Variants in PCDHGA1 observed in about 807,000 individuals in gnomAD.
PCDHGA1 encodes protocadherin gamma subfamily A, 1, also known as protocadherin gamma-A1.
Under a neutral mutation model 58.0 loss-of-function variants are expected in PCDHGA1, and 32 were observed. That is an observed-to-expected ratio of 0.55 (90% CI 0.42 to 0.74). PCDHGA1 has a LOEUF of 0.74. Among genes scored for constraint, PCDHGA1 ranks in the 30% least tolerant of loss-of-function variants. PCDHGA1 has a pLI of 0.00. For synonymous variants in PCDHGA1, 498 were observed against 501.1 expected, an observed-to-expected ratio of 0.99 and a Z score of 0.08; for missense variants, 1,205 against 1,182.3, an observed-to-expected ratio of 1.02 and a Z score of -0.28.
intron 1 of PCDHGA1, chr5:141,385,365 G>C: frequency 6.5e-7 from 1 of 1,539,374 alleles, no homozygotes; most frequent in Non-Finnish European, 8.7e-7. Flanking sequence ...GAATTTATTT[G>C]CATGATATTT....
At chr5:141,344,169 G>T (rs1757378436) in intron 1 of PCDHGA1, 9 of 1,614,048 alleles carry the variant, frequency 5.6e-6, no homozygotes, top group Non-Finnish European at 7.6e-6. Context: ...TTCCTTCGTG[G>T]GCAACATCGC....
intron 1 of PCDHGA1, chr5:141,408,732 A>AT: frequency 2.5e-6 from 4 of 1,610,016 alleles, no homozygotes; most frequent in Non-Finnish European, 3.4e-6. Context: ...TCTAATCCTT[A>AT]TTTTTCATTA....
intron 1 of PCDHGA1, chr5:141,403,339 C>T (rs2094393588): frequency 1.2e-6 from 2 of 1,613,892 alleles, no homozygotes; most frequent in Admixed American, 1.7e-5. Context: ...TTAACGACAG[C>T]GCCCCAAAGT....
rs145569377 is a variant in PCDHGA1 at position 141,455,860 on chromosome 5, ATTATTTATTTATTTAT to A, written c.2422-38908_2422-38893del. Among the ~76,000 whole-genome samples, 551 of 139,848 alleles carry A rather than the reference ATTATTTATTTATTTAT, an allele frequency of 3.9e-3. 2 individuals carry two copies. The highest frequency in any genetic ancestry group is 9.7e-3 in the South Asian group (42 of 4,344). The allele number at this position is 139,848 out of a possible 152,430, so 91.7% of individuals were successfully genotyped here. ...CTATCTGCATAAAATAATTTCTTTTATTATTTATTTATTTATTTATTTATTTATTTATTTATTTATT... is the reference window on the plus strand; with the variant it reads ...CTATCTGCATAAAATAATTTCTTTTATTATTTATTTATTTATTTATTTATT... On this transcript the variant is annotated intron_variant, in intron 1 of 3. Transcript: ENST00000517417.
In PCDHGA1 at chr5:141,409,398, A is replaced by G. The variant is rs186373896; in HGVS notation, c.2421+76293A>G. On this transcript the variant is annotated intron_variant, in intron 1 of 3. Transcript: ENST00000517417. Reference sequence around the variant, plus strand: ...CCATTCAAGATTTATTCTTCTTCCAATAACTACTACAAACTGGTGACAGAT... The same window carrying G: ...CCATTCAAGATTTATTCTTCTTCCAGTAACTACTACAAACTGGTGACAGAT... 9.6e-5 allele frequency: 155 copies of G among 1,614,050 alleles called. No individual in the cohort carries two copies. In the African/African-American group the frequency reaches 1.5e-3, roughly 16 times the overall value.
intron 1 of PCDHGA1, chr5:141,400,300 C>T: frequency 6.2e-7 from 1 of 1,614,084 alleles, no homozygotes; most frequent in Non-Finnish European, 8.5e-7. Context: ...CTGCTTCCAA[C>T]CTGGTCTCTG....
At chr5:141,392,965 A>C in intron 1 of PCDHGA1, 1 of 1,613,890 alleles carries the variant, frequency 6.2e-7, no homozygotes, top group East Asian at 2.2e-5. Context: ...ATCTCCAAGG[A>C]CCTGGGGCTG....
rs962794399 is a variant in PCDHGA1, at chr5:141,449,958, AT to A, written c.2422-44841del. Among the ~76,000 whole-genome samples, 332 of 148,828 alleles carry A rather than the reference AT, an allele frequency of 2.2e-3. 1 individual carries two copies. The highest frequency in any genetic ancestry group is 6.8e-3 in the Admixed American group (101 of 14,904). Reference sequence around the variant, plus strand: ...GTATATTTTACTATACCTCATAGTAATTTTTTTTAGTCCAAAATATCACACA... The same window carrying A: ...GTATATTTTACTATACCTCATAGTAATTTTTTTAGTCCAAAATATCACACA... On this transcript the variant is annotated intron_variant, in intron 1 of 3. Coordinates refer to ENST00000517417, the MANE Select transcript of PCDHGA1 (RefSeq NM_018912.3).
intron 1 of PCDHGA1, among the ~76,000 whole-genome samples, chr5:141,484,021 G>A (rs892390865): frequency 2.6e-5 from 4 of 151,080 alleles, no homozygotes; most frequent in African/African-American, 9.7e-5. Context: ...GGGGTGGGGT[G>A]AGATCAAGTC....
intron 1 of PCDHGA1, among the ~76,000 whole-genome samples, chr5:141,353,476 A>G (rs1295489300): frequency 6.6e-6 from 1 of 152,048 alleles, no homozygotes; most frequent in Non-Finnish European, 1.5e-5. Flanking sequence ...AATTATTAAG[A>G]CTCTTAACAC....
chr5:141,341,420 G>A (rs1351098792), intron 1 of PCDHGA1: 2 of 1,613,006 alleles, frequency 1.2e-6, no homozygotes, highest in Non-Finnish European at 1.7e-6. Flanking sequence ...CACAACATAC[G>A]TACTAGCTAG....
chr5:141,487,356 C>T lies in PCDHGA1; in HGVS notation c.2422-7451C>T. 6.2e-7 allele frequency: 1 copy of T among 1,614,220 alleles called. No individual in the cohort carries two copies. The highest frequency in any genetic ancestry group is 8.5e-7 in the Non-Finnish European group (1 of 1,180,042). ...GCCTGTGGAGTCACATGCTTTCCTG[C>T]TGGCACCTGTGCCTGTCTCACCAGA... On this transcript the variant is annotated intron_variant, in intron 1 of 3. Transcript: ENST00000517417. This position sits in a 1 kb window ranked among gnomAD's most constrained non-coding sequence, Gnocchi z 5.0.
chr5:141,509,819 C>T (rs1008625658), intron 3 of PCDHGA1, among the ~76,000 whole-genome samples: 3 of 152,154 alleles, frequency 2.0e-5, no homozygotes, highest in African/African-American at 7.2e-5. Context: ...AGCTCTTCTC[C>T]ATCTTCTCTC....
chr5:141,372,317 C>T (rs775859797), intron 1 of PCDHGA1: 3 of 1,613,614 alleles, frequency 1.9e-6, no homozygotes, highest in East Asian at 2.2e-5. Flanking sequence ...CCCGCCAGCG[C>T]CTGCTGGTCA....
At position 141,332,634 on chromosome 5, in the gene PCDHGA1, C is replaced by A; in HGVS notation, c.1950C>A (p.Gly650=). The stretch of plus-strand genomic sequence containing the variant: ...TCGTGGTGGCCGTCCAGGACCACGG[C>A]CAGCCCCCGCTCTCCGCCACTGTCA... ...QSLVVAVQDH[G]QPPLSATVTL... Residue 650 remains glycine (G), a synonymous_variant, in exon 1 of 4, where the codon GGC becomes GGA. Coordinates refer to ENST00000517417, the MANE Select transcript of PCDHGA1 (RefSeq NM_018912.3). This position sits in a 1 kb window ranked among gnomAD's most constrained non-coding sequence, Gnocchi z 4.6. 1 of 1,612,864 alleles carries A rather than the reference C, an allele frequency of 6.2e-7. No homozygotes were observed. Among genetic ancestry groups the A allele is most frequent in the Non-Finnish European group, 8.5e-7 (1 of 1,179,782 alleles).
intron 1 of PCDHGA1, chr5:141,484,931 A>T: frequency 4.0e-6 from 2 of 498,120 alleles, no homozygotes; most frequent in South Asian, 5.3e-5. Context: ...TGCTGTTGGG[A>T]CGTTCTCTGC....
At chr5:141,483,967 G>C (rs2099589454) in intron 1 of PCDHGA1, among the ~76,000 whole-genome samples, 1 of 149,276 alleles carries the variant, frequency 6.7e-6, no homozygotes, top group African/African-American at 2.5e-5. Flanking sequence ...TTCTGTGCTT[G>C]TGCAAGGGAG....
At chr5:141,379,171 A>G (rs1561582641) in intron 1 of PCDHGA1, 1 of 152,248 alleles carries the variant, frequency 6.6e-6, no homozygotes, top group Non-Finnish European at 1.5e-5. Flanking sequence ...GTCTTCTTAA[A>G]GATAACATTG....
chr5:141,446,469 T>C (rs538381725), intron 1 of PCDHGA1, among the ~76,000 whole-genome samples: 2 of 149,740 alleles, frequency 1.3e-5, no homozygotes, highest in South Asian at 4.2e-4. Flanking sequence ...TGATTAGACA[T>C]ATGGTCATCA....
Sources: gnomAD v4.1 joint callset for allele counts (sites outside exome capture counted in the v4.1 genomes callset) on GRCh38, gnomAD v4.1.1 for gene constraint, Gnocchi (gnomAD v3.1) non-coding constraint, MANE v1.5 for transcripts, NCBI Gene and HGNC (gene_info 2026-07-23, HGNC 2026-07-21) for gene names.